TASP1: variants seen among roughly 807,000 people sequenced by gnomAD.
TASP1 encodes the protein taspase 1, also known as threonine aspartase 1.
Under a neutral mutation model 56.6 loss-of-function variants are expected in TASP1, and 16 were observed. The ratio of observed to expected loss-of-function variants is 0.28; its 90% confidence interval spans 0.19 to 0.43. TASP1 has a LOEUF of 0.43. TASP1 is among the 20% of genes least tolerant of loss of function. The pLI is 1.00. For missense variants in TASP1, 393 were observed against 511.6 expected (o/e 0.77, Z 2.24); for synonymous variants, 179 against 184.2 (o/e 0.97, Z 0.23).
intron 1 of TASP1, among the ~76,000 whole-genome samples, chr20:13,635,861 G>C (rs999096010): frequency 6.6e-6 from 1 of 152,068 alleles, no homozygotes; most frequent in African/African-American, 2.4e-5. Context: ...GACTTTCATG[G>C]CACTAATTTA....
At chr20:13,254,358 C>T in the TASP1 span, among the ~76,000 whole-genome samples, 1 of 151,810 alleles carries the variant, frequency 6.6e-6, no homozygotes, top group Admixed American at 6.6e-5. Context: ...GATGTATATA[C>T]AAATAGAAAA....
chr20:13,607,078 A>G (rs575427410), intron 4 of TASP1, among the ~76,000 whole-genome samples: 1 of 152,232 alleles, frequency 6.6e-6, no homozygotes, highest in Non-Finnish European at 1.5e-5. Context: ...AGATTAAAAC[A>G]AGAGAAATTA....
the TASP1 span, among the ~76,000 whole-genome samples, chr20:13,119,112 G>A: frequency 2.6e-5 from 4 of 152,202 alleles, no homozygotes; most frequent in African/African-American, 9.6e-5. Flanking sequence ...GGAGCAGAGG[G>A]TCTCAAATTT....
intron 10 of TASP1, among the ~76,000 whole-genome samples, chr20:13,518,128 A>C (rs2044606583): frequency 6.6e-6 from 1 of 152,100 alleles, no homozygotes; most frequent in African/African-American, 2.4e-5. Context: ...AAATTATTTC[A>C]GCTCCAGTGG....
In TASP1 at chr20:13,551,146, G is replaced by C. The variant is rs550107733; in HGVS notation, c.675+7862C>G. On this transcript the variant is annotated intron_variant, in intron 8 of 13. Coordinates refer to ENST00000337743, the MANE Select transcript of TASP1 (RefSeq NM_017714.3). The stretch of plus-strand genomic sequence containing the variant: ...AAAGAATACAAAATTAAAAGTTGTA[G>C]CATCTCTTTAGAGTGGTTTTGAACA... Among the ~76,000 whole-genome samples, 19 of 152,182 alleles carry C rather than the reference G, an allele frequency of 1.2e-4. No homozygotes were observed. The East Asian group carries it at 3.5e-3, about 28-fold the overall frequency.
chr20:13,250,073 T>A, the TASP1 span, among the ~76,000 whole-genome samples: 28,753 of 152,108 alleles, frequency 0.19, 2,819 homozygotes, highest in East Asian at 0.25. Flanking sequence ...AGAGCTATCA[T>A]GCATGTTCTC....
At chr20:13,371,456 G>A in the TASP1 span, among the ~76,000 whole-genome samples, 2 of 143,914 alleles carry the variant, frequency 1.4e-5, no homozygotes, top group African/African-American at 4.9e-5. Context: ...ACACATGTTC[G>A]TGAATTTCCC....
chr20:13,320,640 TA>T, the TASP1 span, among the ~76,000 whole-genome samples: 2 of 152,100 alleles, frequency 1.3e-5, no homozygotes, highest in African/African-American at 4.8e-5. Context: ...GCTCTCTCAT[TA>T]AAAAACAGAA....
chr20:13,570,078 G>A (rs1485200243), intron 6 of TASP1, among the ~76,000 whole-genome samples: 4 of 152,030 alleles, frequency 2.6e-5, no homozygotes, highest in Non-Finnish European at 5.9e-5. Flanking sequence ...CTGATGCAAC[G>A]AAAATACATA....
intron 4 of TASP1, among the ~76,000 whole-genome samples, chr20:13,590,642 A>C (rs182152696): frequency 3.4e-4 from 51 of 152,214 alleles, no homozygotes; most frequent in Non-Finnish European, 7.2e-4. Context: ...CCAAGGCGGG[A>C]GGATTACAAG....
At chr20:13,458,111 A>C (rs2043913923) in intron 11 of TASP1, among the ~76,000 whole-genome samples, 1 of 152,196 alleles carries the variant, frequency 6.6e-6, no homozygotes, top group Admixed American at 6.5e-5. Context: ...TCAAGACAGT[A>C]GTGGTACACA....
In TASP1 at chr20:13,527,615, C is replaced by T. The variant is rs867962473; in HGVS notation, c.874+818G>A. ...ATTCCTCATCTCCTGCACACACGCA[C>T]GCACGCACACACACATACGCACACA... On this transcript the variant is annotated intron_variant, in intron 10 of 13. Transcript: ENST00000337743. 1.6e-4 allele frequency among the ~76,000 whole-genome samples: 25 copies of T among 152,022 alleles called. No homozygotes were observed. The East Asian group carries it at 2.3e-3, about 14-fold the overall frequency.
At chr20:13,465,484 T>C (rs936310731) in intron 11 of TASP1, among the ~76,000 whole-genome samples, 5 of 151,972 alleles carry the variant, frequency 3.3e-5, no homozygotes, top group Non-Finnish European at 7.4e-5. Flanking sequence ...TGAAAACTCA[T>C]GCGAACACAA....
At position 13,569,535 on chromosome 20, in the gene TASP1, G is replaced by A; in HGVS notation, c.540C>T (p.Pro180=). 1 of 1,612,470 alleles carries A rather than the reference G, an allele frequency of 6.2e-7. No individual in the cohort carries two copies. The highest frequency in any genetic ancestry group is 1.7e-5 in the Admixed American group (1 of 59,990). Residue 180 remains proline (P), a synonymous_variant, in exon 7 of 14, where the codon CCC becomes CCT. Coordinates refer to ENST00000337743, the MANE Select transcript of TASP1 (RefSeq NM_017714.3). ...AYRWAVDHGI[P]SCPPNIMTTR... ...TGGTCATGATGTTAGGAGGGCAAGA[G>A]GGTATTCCATGATCTACTGCCCATC...
intron 3 of TASP1, among the ~76,000 whole-genome samples, chr20:13,624,396 A>G (rs1310804767): frequency 1.3e-5 from 2 of 152,116 alleles, no homozygotes; most frequent in Non-Finnish European, 2.9e-5. Flanking sequence ...TACAAATTTC[A>G]AAAGAACAAA....
chr20:13,246,401 G>A, the TASP1 span, among the ~76,000 whole-genome samples: 1 of 152,058 alleles, frequency 6.6e-6, no homozygotes, highest in African/African-American at 2.4e-5. Context: ...CTGTGGGTAC[G>A]AAGCATCCCT....
chr20:13,430,825 A>C (rs2146157931), intron 12 of TASP1, among the ~76,000 whole-genome samples: 1 of 152,300 alleles, frequency 6.6e-6, no homozygotes, highest in South Asian at 2.1e-4. Flanking sequence ...CTATTCATGA[A>C]TCAGTAGACA....
intron 4 of TASP1, among the ~76,000 whole-genome samples, chr20:13,604,367 C>T (rs2048069153): frequency 6.6e-6 from 1 of 152,068 alleles, no homozygotes; most frequent in Non-Finnish European, 1.5e-5. Flanking sequence ...AAGAGCCTGC[C>T]ACCTCTTCCC....
At chr20:13,495,237 A>G (rs1998123) in intron 10 of TASP1, among the ~76,000 whole-genome samples, 105,204 of 152,070 alleles carry the variant, frequency 0.69, 36,515 homozygotes, top group African/African-American at 0.72. Context: ...AGTTTGAGCC[A>G]ATGTTATTTC....
Sources: allele counts gnomAD v4.1 joint callset (sites outside exome capture counted in the v4.1 genomes callset), GRCh38; gene constraint gnomAD v4.1.1; transcripts MANE v1.5; gene names NCBI Gene and HGNC (gene_info 2026-07-23, HGNC 2026-07-21).